SNAP91: variants seen among roughly 807,000 people sequenced by gnomAD.
The protein encoded by SNAP91 is clathrin coat assembly protein AP180.
Under a neutral mutation model 100.3 loss-of-function variants are expected in SNAP91, and 27 were observed. That is an observed-to-expected ratio of 0.27 (90% CI 0.20 to 0.37). The LOEUF (loss-of-function observed/expected upper bound fraction) is 0.37. Among genes scored for constraint, SNAP91 ranks in the 10% least tolerant of loss-of-function variants. The pLI, the probability that SNAP91 is intolerant of heterozygous loss-of-function variation, is 1.00. For synonymous variants in SNAP91, 404 were observed against 398.6 expected, an observed-to-expected ratio of 1.01 and a Z score of -0.16; for missense variants, 986 against 1,123.7, an observed-to-expected ratio of 0.88 and a Z score of 1.75.
intron 2 of SNAP91, among the ~76,000 whole-genome samples, chr6:83,701,310 C>T (rs2099303724): frequency 6.6e-6 from 1 of 151,936 alleles, no homozygotes; most frequent in Non-Finnish European, 1.5e-5. Flanking sequence ...GTAGAAAGGA[C>T]AGTTGTAATT....
intron 13 of SNAP91, among the ~76,000 whole-genome samples, chr6:83,606,909 T>C (rs1256551716): frequency 1.3e-5 from 2 of 151,908 alleles, no homozygotes; most frequent in African/African-American, 4.8e-5. Flanking sequence ...TAGAAAGGAG[T>C]TGGTTATGCC....
chr6:83,586,148 C>A (rs1287153436), intron 22 of SNAP91, among the ~76,000 whole-genome samples: 2 of 152,164 alleles, frequency 1.3e-5, no homozygotes, highest in Non-Finnish European at 2.9e-5. Context: ...CCGTGCCCGG[C>A]CACAAGAGTG....
chr6:83,707,504 ATC>A (rs1166202913), intron 2 of SNAP91, among the ~76,000 whole-genome samples: 2 of 149,390 alleles, frequency 1.3e-5, no homozygotes, highest in African/African-American at 5.0e-5. Context: ...AGTGTGTACA[ATC>A]TCTCTCTTGT....
At chr6:83,650,910 G>T (rs1047279643) in intron 7 of SNAP91, among the ~76,000 whole-genome samples, 1 of 152,154 alleles carries the variant, frequency 6.6e-6, no homozygotes, top group Non-Finnish European at 1.5e-5. Flanking sequence ...GTTTTCAAAG[G>T]TTATTAATTA....
Position 83,592,524 on chromosome 6 carries a change from C to T in SNAP91, c.1861G>A (p.Ala621Thr). The change falls in exon 21 of 30, where the codon GCA becomes ACA. Residue 621 changes from alanine to threonine, a missense_variant. Coordinates refer to ENST00000369694, the MANE Select transcript of SNAP91 (RefSeq NM_001242792.2). Reference protein sequence around the residue: ...ADLLSVDAFAAPSPATTASPA... With the variant: ...ADLLSVDAFATPSPATTASPA... Reference sequence around the variant, plus strand: ...GAGGCAGTGGTTGCAGGAGATGGTGCTGCAAATGCATCCACTGCAGTGAAG... The same window carrying T: ...GAGGCAGTGGTTGCAGGAGATGGTGTTGCAAATGCATCCACTGCAGTGAAG... 1 of 1,608,818 alleles carries T rather than the reference C, an allele frequency of 6.2e-7. No individual in the cohort carries two copies. The highest frequency in any genetic ancestry group is 8.5e-7 in the Non-Finnish European group (1 of 1,177,576).
intron 7 of SNAP91, among the ~76,000 whole-genome samples, chr6:83,648,899 A>C (rs2098078385): frequency 1.3e-5 from 2 of 152,140 alleles, no homozygotes; most frequent in Admixed American, 1.3e-4. Flanking sequence ...TTGTATTTTC[A>C]TTCTTAATGA....
intron 5 of SNAP91, among the ~76,000 whole-genome samples, chr6:83,660,399 C>T (rs1389140926): frequency 1.3e-5 from 2 of 152,202 alleles, no homozygotes; most frequent in African/African-American, 4.8e-5. Context: ...TAGCCCCAAA[C>T]TAAGGTCAGG....
In SNAP91 at chr6:83,571,663, T is replaced by C. The variant is rs148531132; in HGVS notation, c.2442+3347A>G. Among the ~76,000 whole-genome samples the C allele has an allele frequency of 5.5e-3, 831 of 152,320 alleles. 10 individuals are homozygous for C. The highest frequency in any genetic ancestry group is 0.019 in the African/African-American group (796 of 41,568). ...TGAAAGAGACTTGCCTTGTCTCAGA[T>C]GAGACTCTGGACTGTGGATTTTTGA... On this transcript the variant is annotated intron_variant, in intron 26 of 29. Coordinates refer to ENST00000369694, the MANE Select transcript of SNAP91 (RefSeq NM_001242792.2).
At chr6:83,656,638 T>C in intron 7 of SNAP91, 116 bp downstream of exon 7, 2 of 549,810 alleles carry the variant, frequency 3.6e-6, no homozygotes, top group Middle Eastern at 2.7e-4. Flanking sequence ...TTACTCACTA[T>C]CATGATATTC....
chr6:83,652,128 T>C (rs2128656123), intron 7 of SNAP91, among the ~76,000 whole-genome samples: 1 of 152,266 alleles, frequency 6.6e-6, no homozygotes. Flanking sequence ...AACATATAGT[T>C]GGGTCTTGTT....
intron 2 of SNAP91, among the ~76,000 whole-genome samples, chr6:83,667,399 C>T (rs1433652689): frequency 2.0e-5 from 3 of 151,934 alleles, no homozygotes; most frequent in Non-Finnish European, 4.4e-5. Flanking sequence ...ATAATATATG[C>T]AAACAGGTTG....
chr6:83,638,246 A>G (rs2097542692), intron 8 of SNAP91, among the ~76,000 whole-genome samples: 1 of 151,510 alleles, frequency 6.6e-6, no homozygotes, highest in Non-Finnish European at 1.5e-5. Context: ...TTGCCTCTCT[A>G]TTGATTTTCA....
intron 16 of SNAP91, among the ~76,000 whole-genome samples, chr6:83,596,152 T>C (rs1209643607): frequency 6.6e-6 from 1 of 152,184 alleles, no homozygotes; most frequent in Non-Finnish European, 1.5e-5. Flanking sequence ...ACTACTGGTC[T>C]CAAGTGAGCC....
intron 16 of SNAP91, among the ~76,000 whole-genome samples, chr6:83,598,165 T>C (rs894736918): frequency 5.9e-5 from 9 of 152,184 alleles, no homozygotes; most frequent in African/African-American, 2.2e-4. Context: ...AGTATAAAAA[T>C]AGGTTATTTT....
At chr6:83,610,522 G>A (rs369103539) in intron 12 of SNAP91, 128 bp downstream of exon 12, 13 of 277,214 alleles carry the variant, frequency 4.7e-5, no homozygotes, top group Middle Eastern at 4.1e-4. Flanking sequence ...AAAAAGTTCC[G>A]GAAATGGATA....
chr6:83,697,119 A>G (rs1349543963), intron 2 of SNAP91, among the ~76,000 whole-genome samples: 2 of 152,114 alleles, frequency 1.3e-5, no homozygotes, highest in Non-Finnish European at 2.9e-5. Flanking sequence ...TTGTTAATGG[A>G]AATTTTATCA....
chr6:83,573,592 A>G (rs1012492487), intron 26 of SNAP91, among the ~76,000 whole-genome samples: 8 of 152,230 alleles, frequency 5.3e-5, no homozygotes, highest in African/African-American at 1.4e-4. Flanking sequence ...TGGTACTGGT[A>G]CCAAAACAGA....
chr6:83,595,474 T>C (rs546762692), intron 16 of SNAP91, among the ~76,000 whole-genome samples: 1 of 152,340 alleles, frequency 6.6e-6, no homozygotes, highest in South Asian at 2.1e-4. Context: ...CCAGTGTGTT[T>C]CTACCAACAA....
chr6:83,603,061 T>C (rs1215615091), intron 14 of SNAP91, among the ~76,000 whole-genome samples: 1 of 152,212 alleles, frequency 6.6e-6, no homozygotes, highest in African/African-American at 2.4e-5. Context: ...AGGTTAAAGA[T>C]AGTACCTTTC....
Sources: gnomAD v4.1 joint callset for allele counts (sites outside exome capture counted in the v4.1 genomes callset) on GRCh38, gnomAD v4.1.1 for gene constraint, MANE v1.5 for transcripts, NCBI Gene and HGNC (gene_info 2026-07-23, HGNC 2026-07-21) for gene names.